The following ERBB4 variants were observed in gnomAD, a reference collection of about 807,000 sequenced individuals.
ERBB4 encodes the protein erb-b2 receptor tyrosine kinase 4, also known as receptor tyrosine-protein kinase erbB-4.
In ERBB4, 42 loss-of-function variants were observed where a neutral mutation model predicts 158.0. The ratio of observed to expected loss-of-function variants is 0.27; its 90% CI spans 0.21 to 0.34. The LOEUF (loss-of-function observed/expected upper bound fraction) is 0.34, where lower values mean the gene tolerates loss of function less well. Among genes scored for constraint, ERBB4 ranks in the 10% least tolerant of loss-of-function variants. The probability of loss-of-function intolerance (pLI) is 1.00; values close to 1 mark genes in which losing one functional copy is unlikely to be tolerated. For synonymous variants in ERBB4, 583 were observed against 558.7 expected, an observed-to-expected ratio of 1.04 and a Z score of -0.61; for missense variants, 1,333 against 1,624.1, an observed-to-expected ratio of 0.82 and a Z score of 3.08.
At chr2:211,856,588 C>T (rs1283998972) in intron 3 of ERBB4, among the ~76,000 whole-genome samples, 1 of 151,780 alleles carries the variant, frequency 6.6e-6, no homozygotes, top group Non-Finnish European at 1.5e-5. Flanking sequence ...GGGGTTTCAC[C>T]GTGTTAGCCA....
chr2:212,494,591 T>TA (rs1255594757), intron 1 of ERBB4, among the ~76,000 whole-genome samples: 1 of 152,060 alleles, frequency 6.6e-6, no homozygotes, highest in African/African-American at 2.4e-5. Context: ...CTACAACTGT[T>TA]ACTGCTTAAT....
chr2:211,588,517 T>C (rs1186675390), intron 19 of ERBB4, among the ~76,000 whole-genome samples: 1 of 152,172 alleles, frequency 6.6e-6, no homozygotes, highest in African/African-American at 2.4e-5. Context: ...ATAATAATTA[T>C]AACTGACATT....
chr2:211,936,777 C>T (rs778892699), intron 3 of ERBB4, among the ~76,000 whole-genome samples: 2 of 152,008 alleles, frequency 1.3e-5, no homozygotes, highest in Non-Finnish European at 2.9e-5. Context: ...AGTGATAAAT[C>T]AACTAGATCT....
At chr2:211,574,457 T>C (rs2067833320) in intron 19 of ERBB4, among the ~76,000 whole-genome samples, 1 of 152,186 alleles carries the variant, frequency 6.6e-6, no homozygotes, top group Admixed American at 6.5e-5. Flanking sequence ...AACAAGTAGA[T>C]AATAGAGATC....
chr2:211,602,329 G>A (rs980516842), intron 19 of ERBB4, among the ~76,000 whole-genome samples: 2 of 152,016 alleles, frequency 1.3e-5, no homozygotes, highest in Non-Finnish European at 2.9e-5. Context: ...CTGTCAGCAA[G>A]CCCTCACACC....
intron 20 of ERBB4, among the ~76,000 whole-genome samples, chr2:211,456,131 T>C (rs1272176259): frequency 1.3e-5 from 2 of 152,158 alleles, no homozygotes; most frequent in Admixed American, 1.3e-4. Flanking sequence ...GAATTTGAAG[T>C]CTGTTTTATT....
At chr2:211,705,502 G>T in intron 9 of ERBB4, 111 bp from the exon 10 acceptor site, 1 of 757,648 alleles carries the variant, frequency 1.3e-6, no homozygotes, top group Non-Finnish European at 2.4e-6. Flanking sequence ...CAGTAGGGGT[G>T]TTATCAATGC....
Position 211,625,403 on chromosome 2 carries a change from G to C in ERBB4, c.2080-1359C>G, listed in dbSNP as rs139828524. 1.7e-3 allele frequency among the ~76,000 whole-genome samples: 252 copies of C among 152,206 alleles called. 1 individual carries two copies. The highest frequency in any genetic ancestry group is 5.2e-3 in the African/African-American group (218 of 41,532). On this transcript the variant is annotated intron_variant, in intron 17 of 27. Coordinates refer to ENST00000342788, the MANE Select transcript of ERBB4 (RefSeq NM_005235.3). ...GTGAAAATAACGGCCTACTTAATTA[G>C]TGGAAGATTCTTGATTGAAGGTAAA...
At chr2:212,230,562 G>A (rs1478472005) in intron 1 of ERBB4, among the ~76,000 whole-genome samples, 1 of 152,096 alleles carries the variant, frequency 6.6e-6, no homozygotes, top group Non-Finnish European at 1.5e-5. Flanking sequence ...GTTTTAAAAT[G>A]TTAAAATACA....
intron 4 of ERBB4, among the ~76,000 whole-genome samples, chr2:211,753,296 T>C (rs964536492): frequency 4.6e-5 from 7 of 150,846 alleles, no homozygotes; most frequent in Non-Finnish European, 7.4e-5. Context: ...AAAAACAAAA[T>C]TTCCTATAAG....
chr2:212,130,247 GT>G (rs1278270350), intron 1 of ERBB4, among the ~76,000 whole-genome samples: 2 of 152,096 alleles, frequency 1.3e-5, no homozygotes, highest in African/African-American at 4.8e-5. Flanking sequence ...AAATTTACAT[GT>G]GATCCCTAAA....
chr2:211,758,463 C>A lies in ERBB4; in HGVS notation c.557-7759G>T, dbSNP rs540609300. On this transcript the variant is annotated intron_variant, in intron 4 of 27. Transcript: ENST00000342788. ...ATACTGTCATATATTTGTTCCAAAC[C>A]AGGCACTTTTAAAGCATTAATTATC... Among the ~76,000 whole-genome samples the A allele has an allele frequency of 2.6e-5, 4 of 152,188 alleles. No homozygotes were observed. In the South Asian group the frequency reaches 8.3e-4, roughly 32 times the overall value.
intron 2 of ERBB4, among the ~76,000 whole-genome samples, chr2:212,006,228 TG>T (rs1348748854): frequency 6.6e-6 from 1 of 152,140 alleles, no homozygotes; most frequent in African/African-American, 2.4e-5. Flanking sequence ...AAAAATAACT[TG>T]CACATTTTGA....
intron 19 of ERBB4, among the ~76,000 whole-genome samples, chr2:211,566,955 T>C (rs1243640036): frequency 6.6e-6 from 1 of 152,202 alleles, no homozygotes; most frequent in East Asian, 1.9e-4. Context: ...TCGTAGCAAG[T>C]ACCCTTGTTA....
chr2:211,713,683 T>G (rs1365156724), intron 7 of ERBB4, 35 bp from the exon 8 acceptor site: 1 of 1,247,536 alleles, frequency 8.0e-7, no homozygotes. Flanking sequence ...AAATAAGCAT[T>G]AATGTTAACA....
chr2:212,524,518 T>A (rs1692341315), intron 1 of ERBB4, among the ~76,000 whole-genome samples: 1 of 152,166 alleles, frequency 6.6e-6, no homozygotes, highest in Non-Finnish European at 1.5e-5. Context: ...TCAGCACTCA[T>A]ACTCACTCTT....
At chr2:211,681,682 C>A (rs1027474418) in intron 12 of ERBB4, among the ~76,000 whole-genome samples, 1 of 152,022 alleles carries the variant, frequency 6.6e-6, no homozygotes, top group Non-Finnish European at 1.5e-5. Context: ...GCCACCAAAT[C>A]TTTTGCCCAT....
chr2:212,116,649 G>C (rs541168676), intron 2 of ERBB4, among the ~76,000 whole-genome samples: 1 of 152,046 alleles, frequency 6.6e-6, no homozygotes, highest in Non-Finnish European at 1.5e-5. Context: ...GTCTCACTAT[G>C]TTACCCAAAC....
intron 5 of ERBB4, among the ~76,000 whole-genome samples, chr2:211,732,550 C>A (rs2074458006): frequency 6.6e-6 from 1 of 152,142 alleles, no homozygotes; most frequent in African/African-American, 2.4e-5. Flanking sequence ...AGTATATACC[C>A]CACATGTAAA....
Sources: gnomAD v4.1 joint callset for allele counts (sites outside exome capture counted in the v4.1 genomes callset) on GRCh38, gnomAD v4.1.1 for gene constraint, MANE v1.5 for transcripts, NCBI Gene and HGNC (gene_info 2026-07-23, HGNC 2026-07-21) for gene names.